Variants in CEP170 observed in about 807,000 individuals in gnomAD.
CEP170 encodes the protein centrosomal protein 170.
CEP170 carries 21 observed loss-of-function variants against 151.9 expected under a neutral mutation model. That is an observed-to-expected ratio of 0.14 (90% CI 0.10 to 0.20). The LOEUF is 0.20. Ranked by LOEUF, CEP170 falls within the 10% of genes least tolerant of loss-of-function variation. CEP170 has a pLI of 1.00. For synonymous variants in CEP170, 356 were observed against 648.8 expected, an observed-to-expected ratio of 0.55 and a Z score of 6.86; for missense variants, 964 against 1,892.9, an observed-to-expected ratio of 0.51 and a Z score of 9.11.
chr1:243,186,584 T>C (rs534574057), intron 8 of CEP170, 162 bp from the exon 9 acceptor site: 42 of 625,702 alleles, frequency 6.7e-5, no homozygotes, highest in Non-Finnish European at 9.4e-5. Flanking sequence ...TCAATTGCAA[T>C]GGTTACATTC....
intron 13 of CEP170, among the ~76,000 whole-genome samples, chr1:243,158,292 T>C (rs2057744546): frequency 6.6e-6 from 1 of 152,230 alleles, no homozygotes; most frequent in Non-Finnish European, 1.5e-5. Flanking sequence ...TACAATAGTG[T>C]TCATAAATAA....
chr1:243,150,114 G>C (rs1222414872), intron 14 of CEP170, among the ~76,000 whole-genome samples: 1 of 151,896 alleles, frequency 6.6e-6, no homozygotes, highest in Non-Finnish European at 1.5e-5. Context: ...GTTTCATTTG[G>C]GGCCAACAAA....
At chr1:243,240,866 T>A (rs1328224886) in intron 1 of CEP170, among the ~76,000 whole-genome samples, 1 of 152,064 alleles carries the variant, frequency 6.6e-6, no homozygotes, top group Non-Finnish European at 1.5e-5. Flanking sequence ...CTAATTTTTG[T>A]ATTTTTAGTA....
At chr1:243,187,596 AC>A (rs2060014766) in intron 8 of CEP170, among the ~76,000 whole-genome samples, 1 of 152,158 alleles carries the variant, frequency 6.6e-6, no homozygotes, top group African/African-American at 2.4e-5. Flanking sequence ...TAATGTGAAC[AC>A]CCACTGAATA....
intron 1 of CEP170, among the ~76,000 whole-genome samples, chr1:243,232,337 C>T (rs961913302): frequency 3.5e-4 from 53 of 152,138 alleles, no homozygotes; most frequent in Non-Finnish European, 1.0e-4. Context: ...TTATATCAGT[C>T]TCTATCTTCT....
At chr1:243,249,699 G>A (rs1487969121) in intron 1 of CEP170, among the ~76,000 whole-genome samples, 3 of 152,006 alleles carry the variant, frequency 2.0e-5, no homozygotes, top group Admixed American at 6.6e-5. Flanking sequence ...ACTTTACATC[G>A]TAAAAGAATT....
chr1:243,159,952 C>T (rs2057931588), intron 13 of CEP170, among the ~76,000 whole-genome samples: 1 of 152,066 alleles, frequency 6.6e-6, no homozygotes, highest in African/African-American at 2.4e-5. Flanking sequence ...CCATGTCTGG[C>T]TAATTTTTGT....
intron 1 of CEP170, among the ~76,000 whole-genome samples, chr1:243,241,824 C>G (rs1450051221): frequency 2.0e-5 from 3 of 150,540 alleles, no homozygotes. Context: ...ATTTTCTAAT[C>G]TCTCAAATAG....
At position 243,240,260 on chromosome 1, in the gene CEP170, A is replaced by C. The variant is rs192490093; in HGVS notation, c.-42+14780T>G. Among the ~76,000 whole-genome samples, 712 of 152,292 alleles carry C rather than the reference A, an allele frequency of 4.7e-3. 8 individuals are homozygous for C. The highest frequency in any genetic ancestry group is 0.016 in the African/African-American group (681 of 41,554). On this transcript the variant is annotated intron_variant, in intron 1 of 19. Coordinates refer to ENST00000366542, the MANE Select transcript of CEP170 (RefSeq NM_014812.3). ...GGGAGGTGGAGGTTGCAGTGAGCTG[A>C]GATCACGCCATTGCACTCCAGCCTG... is the stretch of plus-strand genomic sequence containing the variant.
At chr1:243,193,233 T>C (rs2060425405) in intron 7 of CEP170, among the ~76,000 whole-genome samples, 1 of 152,148 alleles carries the variant, frequency 6.6e-6, no homozygotes, top group East Asian at 1.9e-4. Context: ...CATATATTAA[T>C]AGTTCATTAA....
At chr1:243,199,485 G>C (rs1052831895) in intron 6 of CEP170, among the ~76,000 whole-genome samples, 10 of 151,932 alleles carry the variant, frequency 6.6e-5, no homozygotes, top group Non-Finnish European at 1.3e-4. Flanking sequence ...CTATATAACT[G>C]AACTGCTTGT....
intron 3 of CEP170, among the ~76,000 whole-genome samples, chr1:243,218,289 G>A (rs2062487552): frequency 6.6e-6 from 1 of 152,212 alleles, no homozygotes; most frequent in Admixed American, 6.5e-5. Context: ...TGCTGATGGG[G>A]GCAGTCCAGT....
intron 1 of CEP170, among the ~76,000 whole-genome samples, chr1:243,228,231 G>A (rs916500777): frequency 3.3e-5 from 5 of 152,076 alleles, no homozygotes; most frequent in Admixed American, 3.3e-4. Context: ...AATATCATAT[G>A]TTATCTATAC....
At chr1:243,153,443 G>A (rs1198541829) in intron 14 of CEP170, among the ~76,000 whole-genome samples, 1 of 152,184 alleles carries the variant, frequency 6.6e-6, no homozygotes, top group African/African-American at 2.4e-5. Flanking sequence ...TTTCATGAAA[G>A]GAAGAGTCAA....
At chr1:243,176,634 T>A in intron 10 of CEP170, 1 of 211,814 alleles carries the variant, frequency 4.7e-6, no homozygotes, top group Non-Finnish European at 1.0e-5. Context: ...ACTTTGGGAT[T>A]TCAAATCCAA....
chr1:243,164,106 T>C (rs1010809082), intron 13 of CEP170, among the ~76,000 whole-genome samples, 178 bp downstream of exon 13: 16 of 152,100 alleles, frequency 1.1e-4, no homozygotes, highest in Admixed American at 9.2e-4. Flanking sequence ...TTCCATTTAC[T>C]ATGCTAAATA....
chr1:243,210,208 G>A (rs1184979478), intron 4 of CEP170, among the ~76,000 whole-genome samples: 2 of 152,018 alleles, frequency 1.3e-5, no homozygotes, highest in Non-Finnish European at 2.9e-5. Flanking sequence ...AAAAGCATGA[G>A]GTTTTTTTCT....
chr1:243,145,962 T>C (rs1486489441), intron 14 of CEP170, among the ~76,000 whole-genome samples: 3 of 152,124 alleles, frequency 2.0e-5, no homozygotes, highest in Non-Finnish European at 4.4e-5. Flanking sequence ...AAAAAAAGTT[T>C]TGTAAGAGGA....
chr1:243,202,070 T>A (rs2061077661), intron 4 of CEP170, among the ~76,000 whole-genome samples: 1 of 152,132 alleles, frequency 6.6e-6, no homozygotes. Flanking sequence ...AACTGATAAG[T>A]GGTTTAAGAA....
Sources: gnomAD v4.1 joint callset for allele counts (sites outside exome capture counted in the v4.1 genomes callset) on GRCh38, gnomAD v4.1.1 for gene constraint, MANE v1.5 for transcripts, NCBI Gene and HGNC (gene_info 2026-07-23, HGNC 2026-07-21) for gene names.